CAST: variants seen among roughly 807,000 people sequenced by gnomAD.
CAST encodes MIR583 host.
In CAST, 76 loss-of-function variants were observed where a neutral mutation model predicts 119.6. The observed-to-expected ratio is 0.64, with a 90% confidence interval of 0.53 to 0.77. CAST has a LOEUF of 0.77. Among genes scored for constraint, CAST ranks in the 30% least tolerant of loss-of-function variants. The probability of loss-of-function intolerance (pLI) is 0.00; values close to 1 mark genes in which losing one functional copy is unlikely to be tolerated. For synonymous variants in CAST, 319 were observed against 331.6 expected, an observed-to-expected ratio of 0.96 and a Z score of 0.41; for missense variants, 953 against 946.5, an observed-to-expected ratio of 1.01 and a Z score of -0.09.
chr5:96,119,791 T>G, the CAST span, among the ~76,000 whole-genome samples: 2 of 152,182 alleles, frequency 1.3e-5, no homozygotes, highest in Non-Finnish European at 1.5e-5. Flanking sequence ...TTATGTATTA[T>G]GTACGCCTAA....
At chr5:96,457,859 A>T in the CAST span, among the ~76,000 whole-genome samples, 1 of 152,148 alleles carries the variant, frequency 6.6e-6, no homozygotes, top group African/African-American at 2.4e-5. Context: ...ATTTTTCCCT[A>T]TTAGGGGTTT....
chr5:96,512,556 T>C, the CAST span, among the ~76,000 whole-genome samples: 1 of 152,220 alleles, frequency 6.6e-6, no homozygotes, highest in African/African-American at 2.4e-5. Context: ...TTTTAATAAC[T>C]AGACAGATCT....
At chr5:96,621,268 G>T (rs1432726094) in intron 1 of CAST, among the ~76,000 whole-genome samples, 1 of 152,052 alleles carries the variant, frequency 6.6e-6, no homozygotes, top group African/African-American at 2.4e-5. Flanking sequence ...TATCAGTTCA[G>T]CTAGGTTCAG....
At chr5:96,506,727 G>A in the CAST span, among the ~76,000 whole-genome samples, 244 of 152,274 alleles carry the variant, frequency 1.6e-3, 2 homozygotes, top group African/African-American at 5.4e-3. Flanking sequence ...CTCTACTGAA[G>A]GACCCCAGTA....
At chr5:96,554,979 G>T (rs1285229619) in intron 1 of CAST, among the ~76,000 whole-genome samples, 2 of 152,194 alleles carry the variant, frequency 1.3e-5, no homozygotes, top group African/African-American at 4.8e-5. Context: ...TTCAACCGTT[G>T]TGGAAGACAG....
chr5:96,136,865 G>T, the CAST span, among the ~76,000 whole-genome samples: 1 of 152,102 alleles, frequency 6.6e-6, no homozygotes, highest in South Asian at 2.1e-4. Flanking sequence ...TTATCAACAA[G>T]AGTTCAATAT....
chr5:96,699,709 G>A (rs1475919572), intron 3 of CAST, among the ~76,000 whole-genome samples: 2 of 152,194 alleles, frequency 1.3e-5, no homozygotes, highest in African/African-American at 4.8e-5. Flanking sequence ...AAGGGAATCT[G>A]GGGGTGTGAG....
intron 1 of CAST, among the ~76,000 whole-genome samples, chr5:96,594,693 G>T (rs1747025623): frequency 1.3e-5 from 2 of 151,976 alleles, no homozygotes; most frequent in South Asian, 2.1e-4. Flanking sequence ...TCAACAAGAG[G>T]TTTCAAATTT....
At chr5:96,080,471 T>A in the CAST span, among the ~76,000 whole-genome samples, 1 of 152,200 alleles carries the variant, frequency 6.6e-6, no homozygotes, top group Non-Finnish European at 1.5e-5. Context: ...AGAGTAAAGT[T>A]CCTGACCATA....
At chr5:95,966,532 T>A in the CAST span, among the ~76,000 whole-genome samples, 18 of 152,158 alleles carry the variant, frequency 1.2e-4, no homozygotes, top group African/African-American at 4.3e-4. Context: ...ACTTTCTTAG[T>A]CTCCAAAGTT....
the CAST span, among the ~76,000 whole-genome samples, chr5:96,006,247 A>G: frequency 6.6e-6 from 1 of 152,184 alleles, no homozygotes; most frequent in Non-Finnish European, 1.5e-5. Flanking sequence ...GCTAGGCCAC[A>G]TCTTCAGAAT....
At chr5:96,599,062 C>T (rs1269543030) in intron 1 of CAST, among the ~76,000 whole-genome samples, 2 of 152,214 alleles carry the variant, frequency 1.3e-5, no homozygotes, top group Non-Finnish European at 2.9e-5. Context: ...TCACATGAAC[C>T]AATTCCGTAG....
the CAST span, among the ~76,000 whole-genome samples, chr5:96,301,942 G>A: frequency 6.6e-6 from 1 of 152,180 alleles, no homozygotes; most frequent in South Asian, 2.1e-4. Context: ...CTCCAGTGGG[G>A]ACTCTATGTG....
the CAST span, among the ~76,000 whole-genome samples, chr5:96,292,107 G>A: frequency 6.6e-6 from 1 of 152,086 alleles, no homozygotes. Flanking sequence ...GAAGAAAAAA[G>A]ACGCATATGT....
chr5:96,616,423 G>C (rs1365537607), intron 1 of CAST, among the ~76,000 whole-genome samples: 2 of 152,148 alleles, frequency 1.3e-5, no homozygotes. Flanking sequence ...CTCCTGACAA[G>C]AAGCTTCTAG....
the CAST span, among the ~76,000 whole-genome samples, chr5:96,514,942 G>A: frequency 6.6e-6 from 1 of 152,106 alleles, no homozygotes; most frequent in Non-Finnish European, 1.5e-5. Context: ...AGTAGGGACA[G>A]CATCTTGCCA....
At chr5:96,138,584 T>A in the CAST span, among the ~76,000 whole-genome samples, 2 of 152,080 alleles carry the variant, frequency 1.3e-5, no homozygotes, top group African/African-American at 4.8e-5. Context: ...ACCTTAACAA[T>A]GTGTGTTTTA....
chr5:96,455,578 T>A, the CAST span, among the ~76,000 whole-genome samples: 1 of 152,224 alleles, frequency 6.6e-6, no homozygotes, highest in East Asian at 1.9e-4. Context: ...CTGTTTAACC[T>A]TTCTCCTTTG....
the CAST span, among the ~76,000 whole-genome samples, chr5:96,498,836 T>C: frequency 2.0e-5 from 3 of 152,138 alleles, no homozygotes; most frequent in African/African-American, 7.2e-5. Context: ...GCTACATGGC[T>C]CACATTCAGT....
Sources: gnomAD v4.1 joint callset for allele counts (sites outside exome capture counted in the v4.1 genomes callset) on GRCh38, gnomAD v4.1.1 for gene constraint, MANE v1.5 for transcripts, NCBI Gene and HGNC (gene_info 2026-07-23, HGNC 2026-07-21) for gene names.